EGLN3: variants seen among roughly 807,000 people sequenced by gnomAD.
EGLN3 encodes the protein prolyl hydroxylase EGLN3.
EGLN3 carries 15 observed loss-of-function variants against 26.0 expected under a neutral mutation model. That is an observed-to-expected ratio of 0.58 (90% CI 0.39 to 0.89). EGLN3 has a LOEUF of 0.89. Ranked by LOEUF, EGLN3 falls within the 40% of genes least tolerant of loss-of-function variation. The pLI is 0.00. For synonymous variants in EGLN3, 147 were observed against 127.2 expected (o/e 1.16, Z -1.05); for missense variants, 238 against 311.6 (o/e 0.76, Z 1.78).
chr14:33,933,347 A>C (rs2064417815), intron 1 of EGLN3, among the ~76,000 whole-genome samples: 1 of 151,626 alleles, frequency 6.6e-6, no homozygotes, highest in South Asian at 2.1e-4. Flanking sequence ...CAAACTCACA[A>C]AAGTAAATCC....
rs531051441 is a variant in EGLN3 at position 33,948,856 on chromosome 14, A to G, written c.357+1540T>C. 6 of 152,332 alleles carry G rather than the reference A, an allele frequency of 3.9e-5. No individual in the cohort carries two copies. In the South Asian group the frequency reaches 1.2e-3, roughly 32 times the overall value. 9.4% of individuals were successfully genotyped at this position (152,332 alleles called of 1,614,324 possible). A position where few individuals can be genotyped will look rare whatever the true frequency, so the allele number is the denominator to read the frequency against. On this transcript the variant is annotated intron_variant, in intron 1 of 4. Coordinates refer to ENST00000250457, the MANE Select transcript of EGLN3 (RefSeq NM_022073.4). ...TAAGAAGCCGTCTGCTCTTCCAGGTAGAAACTACCAGCATCTCAGCAACAC... is the reference window on the plus strand; with the variant it reads ...TAAGAAGCCGTCTGCTCTTCCAGGTGGAAACTACCAGCATCTCAGCAACAC...
chr14:33,927,789 CACAGT>C (rs2064372705), intron 3 of EGLN3, among the ~76,000 whole-genome samples: 1 of 152,178 alleles, frequency 6.6e-6, no homozygotes, highest in Admixed American at 6.5e-5. Context: ...TTATGTAAAT[CACAGT>C]ATGTTTAAAA....
At chr14:33,938,338 G>C (rs1346715239) in intron 1 of EGLN3, among the ~76,000 whole-genome samples, 1 of 152,156 alleles carries the variant, frequency 6.6e-6, no homozygotes, top group East Asian at 1.9e-4. Context: ...CTTCTCCTTG[G>C]AGGGGATTCA....
At position 33,950,599 on chromosome 14, in the gene EGLN3, A is replaced by G. The variant is rs1236150974; in HGVS notation, c.154T>C (p.Cys52Arg). The change falls in exon 1 of 5, where the codon TGC becomes CGC. Residue 52 changes from cysteine to arginine, a missense_variant. By Grantham distance (180) the Cys-to-Arg change is radical. Transcript: ENST00000250457. ...TGGCCGTCCCGCAGGGCCCCGGTGC[A>G]GTGCAGCTGCTTGACGCGCTCCAGG... ...CVLERVKQLHCTGALRDGQLA... is the reference protein window; with the variant it reads ...CVLERVKQLHRTGALRDGQLA... 6.2e-7 allele frequency: 1 copy of G among 1,613,430 alleles called. No individual in the cohort carries two copies. The highest frequency in any genetic ancestry group is 1.3e-5 in the African/African-American group (1 of 74,932).
intron 1 of EGLN3, among the ~76,000 whole-genome samples, chr14:33,947,843 A>T (rs1355819030): frequency 6.6e-6 from 1 of 152,142 alleles, no homozygotes; most frequent in African/African-American, 2.4e-5. Context: ...TGAGGTCAAG[A>T]GATCGAGACC....
At chr14:33,930,596 C>T (rs549146786) in intron 2 of EGLN3, among the ~76,000 whole-genome samples, 1 of 152,308 alleles carries the variant, frequency 6.6e-6, no homozygotes, top group South Asian at 2.1e-4. Context: ...AAGCCTTTGG[C>T]ATTCACAAAC....
Position 33,950,747 on chromosome 14 carries a change from G to A in EGLN3, c.6C>T (p.Pro2=). M[P]LGHIMRLDLE... The stretch of plus-strand genomic sequence containing the variant: ...GGTCCAGCCTCATGATGTGTCCCAG[G>A]GGCATCTCGCCCGCAGAATCGAGGT... Residue 2 remains proline (P), a synonymous_variant, in exon 1 of 5, where the codon CCC becomes CCT. Transcript: ENST00000250457. The A allele has an allele frequency of 6.2e-7, 1 of 1,602,706 alleles. No individual in the cohort carries two copies. The highest frequency in any genetic ancestry group is 8.5e-7 in the Non-Finnish European group (1 of 1,171,434).
intron 4 of EGLN3, 25 bp from the exon 5 acceptor site, chr14:33,925,947 T>A (rs779994987): frequency 1.9e-6 from 3 of 1,611,944 alleles, no homozygotes; most frequent in Non-Finnish European, 8.5e-7. Context: ...GAAAGGAGAA[T>A]AAAGAGGGTA....
intron 1 of EGLN3, among the ~76,000 whole-genome samples, chr14:33,941,431 C>G (rs1650487664): frequency 6.6e-6 from 1 of 151,882 alleles, no homozygotes; most frequent in Non-Finnish European, 1.5e-5. Context: ...ACTTACAAAG[C>G]TAAGGTCCTC....
At position 33,929,098 on chromosome 14, in the gene EGLN3, C is replaced by G; in HGVS notation, c.592G>C (p.Val198Leu). 2 of 1,614,112 alleles carry G rather than the reference C, an allele frequency of 1.2e-6. No individual in the cohort carries two copies. The highest frequency in any genetic ancestry group is 1.7e-6 in the Non-Finnish European group (2 of 1,180,022). ...TACCTGGTTGCGTAAGAGGGCTGCA[C>G]TTCGTGTGGGTTCCTACGATCTGAC... ...FWSDRRNPHEVQPSYATRYAM... is the reference protein window; with the variant it reads ...FWSDRRNPHELQPSYATRYAM... The change falls in exon 3 of 5, where the codon GTG (valine) becomes CTG (leucine). Residue 198 changes from valine (V) to leucine (L), a missense_variant. Physicochemically the swap from Val to Leu is conservative, Grantham distance 32. Transcript: ENST00000250457.
In EGLN3 at chr14:33,924,863, T is replaced by C. The variant is rs901438098; in HGVS notation, c.*1028A>G. 1.3e-5 allele frequency: 2 copies of C among 151,154 alleles called. No homozygotes were observed. Among genetic ancestry groups the C allele is most frequent in the Non-Finnish European group, 2.9e-5 (2 of 67,894 alleles). 9.4% of individuals were successfully genotyped at this position (151,154 alleles called of 1,614,324 possible). On this transcript the variant is annotated 3_prime_UTR_variant, in exon 5 of 5. Coordinates refer to ENST00000250457, the MANE Select transcript of EGLN3 (RefSeq NM_022073.4). ...AGAACTCAAATAGCTTTGAGATTTTTTTATTTCCACTTCCTTTTTTAAAAT... is the reference window on the plus strand; with the variant it reads ...AGAACTCAAATAGCTTTGAGATTTTCTTATTTCCACTTCCTTTTTTAAAAT...
intron 1 of EGLN3, among the ~76,000 whole-genome samples, chr14:33,940,454 G>A (rs1406079721): frequency 6.6e-6 from 1 of 151,792 alleles, no homozygotes; most frequent in Non-Finnish European, 1.5e-5. Flanking sequence ...CTTGTTAACA[G>A]GGAAACTGTA....
chr14:33,950,970 A>C lies in EGLN3; in HGVS notation c.-218T>G. 2 of 584,274 alleles carry C rather than the reference A, an allele frequency of 3.4e-6. No homozygotes were observed. Among genetic ancestry groups the C allele is most frequent in the African/African-American group, 1.9e-5 (1 of 53,578 alleles). The allele number at this position is 584,274 out of a possible 1,614,324, so 36.2% of individuals were successfully genotyped here. A position where few individuals can be genotyped will look rare whatever the true frequency, so the allele number is the denominator to read the frequency against. ...TCGGGAACCAGCGGGAGTGGTGCGGAGCTCCACGACCCGTTTCCGGACTGG... is the reference window on the plus strand; with the variant it reads ...TCGGGAACCAGCGGGAGTGGTGCGGCGCTCCACGACCCGTTTCCGGACTGG... On this transcript the variant is annotated 5_prime_UTR_variant, in exon 1 of 5. Transcript: ENST00000250457.
At chr14:33,937,929 T>G (rs914503849) in intron 1 of EGLN3, among the ~76,000 whole-genome samples, 2 of 152,168 alleles carry the variant, frequency 1.3e-5, no homozygotes, top group African/African-American at 4.8e-5. Flanking sequence ...GAGAGCACCG[T>G]GCCTGAATAG....
intron 2 of EGLN3, 31 bp downstream of exon 2, chr14:33,931,065 C>T (rs780090665): frequency 6.2e-7 from 1 of 1,613,040 alleles, no homozygotes; most frequent in South Asian, 1.1e-5. Context: ...AGTTTCTAAC[C>T]CCACACTCTA....
intron 1 of EGLN3, 186 bp downstream of exon 1, chr14:33,950,210 G>C: frequency 1.6e-6 from 1 of 635,388 alleles, no homozygotes; most frequent in Non-Finnish European, 2.8e-6. Flanking sequence ...GCCCCTTAAC[G>C]TTGACTTTCG....
Position 33,925,097 on chromosome 14 carries a change from T to C in EGLN3, c.*794A>G, listed in dbSNP as rs577787733. ...AACACAAAACTACCAGGGATATATT[T>C]TTCCTTTCATTTAAATTTAAATTCC... On this transcript the variant is annotated 3_prime_UTR_variant, in exon 5 of 5. Transcript: ENST00000250457. The C allele has an allele frequency of 6.6e-6, 1 of 152,270 alleles. No individual in the cohort carries two copies. Among genetic ancestry groups the C allele is most frequent in the South Asian group, 2.1e-4 (1 of 4,816 alleles). The allele number at this position is 152,270 out of a possible 1,614,324, so 9.4% of individuals were successfully genotyped here.
In EGLN3 at chr14:33,925,305, T is replaced by C. The variant is rs1189480160; in HGVS notation, c.*586A>G. ...GGTTGCAGGACTGGGAAAAAAGGAG[T>C]GTCTGCCCCATGGGACACTTATAAA... On this transcript the variant is annotated 3_prime_UTR_variant, in exon 5 of 5. Transcript: ENST00000250457. 6.6e-6 allele frequency: 1 copy of C among 151,928 alleles called. No homozygotes were observed. Among genetic ancestry groups the C allele is most frequent in the African/African-American group, 2.4e-5 (1 of 41,346 alleles). The allele number at this position is 151,928 out of a possible 1,614,324, so 9.4% of individuals were successfully genotyped here. A position where few individuals can be genotyped will look rare whatever the true frequency, so the allele number is the denominator to read the frequency against.
chr14:33,935,839 C>T (rs2064438295), intron 1 of EGLN3, among the ~76,000 whole-genome samples: 1 of 152,118 alleles, frequency 6.6e-6, no homozygotes, highest in African/African-American at 2.4e-5. Context: ...AGTCCTTCCC[C>T]CATGTCCACC....
Sources: allele counts gnomAD v4.1 joint callset (sites outside exome capture counted in the v4.1 genomes callset), GRCh38; gene constraint gnomAD v4.1.1; transcripts MANE v1.5; gene names NCBI Gene and HGNC (gene_info 2026-07-23, HGNC 2026-07-21).